Variants in RPA1 observed in about 807,000 individuals in gnomAD.
The protein encoded by RPA1 is replication protein A 70 kDa DNA-binding subunit.
Under a neutral mutation model 83.0 loss-of-function variants are expected in RPA1, and 49 were observed. The observed-to-expected ratio is 0.59, with a 90% CI of 0.47 to 0.75. RPA1 has a LOEUF of 0.75. Ranked by LOEUF, RPA1 falls within the 30% of genes least tolerant of loss-of-function variation. The pLI is 0.00. For synonymous variants in RPA1, 279 were observed against 281.8 expected (o/e 0.99, Z 0.10); for missense variants, 693 against 776.1 (o/e 0.89, Z 1.27).
At chr17:1,883,271 C>G (rs1597454626) in intron 12 of RPA1, among the ~76,000 whole-genome samples, 1 of 152,148 alleles carries the variant, frequency 6.6e-6, no homozygotes, top group East Asian at 1.9e-4. Flanking sequence ...ACAAGTGATT[C>G]TCCTGCCTCA....
At chr17:1,874,815 G>C (rs1913516106) in intron 6 of RPA1, among the ~76,000 whole-genome samples, 1 of 152,154 alleles carries the variant, frequency 6.6e-6, no homozygotes, top group African/African-American at 2.4e-5. Context: ...TGCCTAGAAG[G>C]GTGTGGCACA....
At chr17:1,878,622 C>T (rs537200472) in intron 8 of RPA1, among the ~76,000 whole-genome samples, 1 of 152,348 alleles carries the variant, frequency 6.6e-6, no homozygotes, top group African/African-American at 2.4e-5. Flanking sequence ...CGTGGCAGCA[C>T]CTTCCTCGTG....
At chr17:1,830,732 G>A (rs1317930047) in intron 1 of RPA1, 1 of 151,568 alleles carries the variant, frequency 6.6e-6, no homozygotes, top group Non-Finnish European at 1.5e-5. Context: ...GTTGAATCAA[G>A]GCTCCCTCTA....
rs566419427 is a variant in RPA1, at chr17:1,874,818, G to A, written c.455-843G>A. 2.0e-5 allele frequency among the ~76,000 whole-genome samples: 3 copies of A among 152,344 alleles called. No individual in the cohort carries two copies. In the South Asian group the frequency reaches 6.2e-4, roughly 32 times the overall value. On this transcript the variant is annotated intron_variant, in intron 6 of 16. Coordinates refer to ENST00000254719, the MANE Select transcript of RPA1 (RefSeq NM_002945.5). ...AATTACTACGAATGCCTAGAAGGGT[G>A]TGGCACATGCCGTGGAAACCCAGTA... is the stretch of plus-strand genomic sequence containing the variant.
At chr17:1,840,619 C>T (rs1057233625) in intron 1 of RPA1, among the ~76,000 whole-genome samples, 20 of 151,788 alleles carry the variant, frequency 1.3e-4, no homozygotes, top group Admixed American at 7.9e-4. Context: ...TCTGTTGCCC[C>T]GACTGGTCTC....
At chr17:1,890,025 T>C (rs1597460013) in intron 14 of RPA1, among the ~76,000 whole-genome samples, 1 of 151,034 alleles carries the variant, frequency 6.6e-6, no homozygotes, top group African/African-American at 2.4e-5. Context: ...AGAAAACAGT[T>C]TCACATTTTT....
chr17:1,853,359 G>T lies in RPA1; in HGVS notation c.361+170G>T, dbSNP rs1912571827. On this transcript the variant is annotated intron_variant, in intron 5 of 16. Transcript: ENST00000254719. ...GCTTTTTCAGTTCTAAAGAAATGAT[G>T]TATGAAGAAAGGGCACAATTAGAAA... 1.3e-5 allele frequency among the ~76,000 whole-genome samples: 2 copies of T among 152,184 alleles called. 1 individual carries two copies. Among genetic ancestry groups the T allele is most frequent in the South Asian group, 4.1e-4 (2 of 4,826 alleles).
At chr17:1,855,831 A>G (rs1255623209) in intron 5 of RPA1, among the ~76,000 whole-genome samples, 1 of 142,886 alleles carries the variant, frequency 7.0e-6, no homozygotes, top group Non-Finnish European at 1.6e-5. Context: ...TTTTTTTTTT[A>G]ATGGAAAAGT....
At chr17:1,869,736 A>G (rs1031286904) in intron 5 of RPA1, among the ~76,000 whole-genome samples, 5 of 152,144 alleles carry the variant, frequency 3.3e-5, no homozygotes, top group African/African-American at 9.7e-5. Flanking sequence ...TAATTTTTAG[A>G]AGGATTTTTA....
At chr17:1,872,824 G>A (rs916478903) in intron 6 of RPA1, among the ~76,000 whole-genome samples, 16 of 151,536 alleles carry the variant, frequency 1.1e-4, no homozygotes, top group African/African-American at 3.6e-4. Context: ...GGTACTATGG[G>A]CGCATGCCAC....
chr17:1,895,659 GTATTTATTTATTTATTTATT>G (rs1555596983), intron 16 of RPA1, among the ~76,000 whole-genome samples: 5 of 141,752 alleles, frequency 3.5e-5, no homozygotes, highest in Admixed American at 7.1e-5. Context: ...ATACCATATA[GTATTTATTTATTTATTTATT>G]TATTTATTTA....
At chr17:1,896,995 A>T (rs1914458735) in intron 16 of RPA1, 76 bp from the exon 17 acceptor site, 1 of 1,270,222 alleles carries the variant, frequency 7.9e-7, no homozygotes, top group African/African-American at 1.5e-5. Context: ...GCTCACTGAA[A>T]CCACTGAAGC....
chr17:1,853,124 T>G lies in RPA1; in HGVS notation c.296T>G (p.Leu99Ter). ...DGRRVVILME[L>*]EVLKSAEAVG... ...AGGAGAGTAGTTATCTTGATGGAATTAGAAGTTTTGAAGTCAGCTGAAGCA... is the reference window on the plus strand; with the variant it reads ...AGGAGAGTAGTTATCTTGATGGAATGAGAAGTTTTGAAGTCAGCTGAAGCA... The change falls in exon 5 of 17, where the codon TTA becomes TGA. Residue 99 changes from leucine (L) to a stop codon, truncating the protein, a stop_gained. Transcript: ENST00000254719. LOFTEE classifies it high-confidence loss of function. 1 of 1,614,104 alleles carries G rather than the reference T, an allele frequency of 6.2e-7. No individual in the cohort carries two copies. The highest frequency in any genetic ancestry group is 8.5e-7 in the Non-Finnish European group (1 of 1,179,998).
rs3744769 is a variant in RPA1 at position 1,897,555 on chromosome 17, C to G, written c.*380C>G. The G allele has an allele frequency of 0.21, 35,136 of 165,364 alleles. 3,890 individuals are homozygous for G. The highest frequency in any genetic ancestry group is 0.27 in the East Asian group (1,511 of 5,600). 10.2% of individuals were successfully genotyped at this position (165,364 alleles called of 1,614,324 possible). A position where few individuals can be genotyped will look rare whatever the true frequency, so the allele number is the denominator to read the frequency against. Reference sequence around the variant, plus strand: ...TTTGCTTCTCCAGTGGTGACCACCCCCCCCCATCCCCGCTCACAACTTGGG... The same window carrying G: ...TTTGCTTCTCCAGTGGTGACCACCCGCCCCCATCCCCGCTCACAACTTGGG... On this transcript the variant is annotated 3_prime_UTR_variant, in exon 17 of 17. Transcript: ENST00000254719.
At chr17:1,868,090 G>GA (rs879853659) in intron 5 of RPA1, among the ~76,000 whole-genome samples, 2 of 150,200 alleles carry the variant, frequency 1.3e-5, no homozygotes, top group Admixed American at 6.6e-5. Context: ...TCTCAAGGGG[G>GA]AAAAAAAAAG....
intron 4 of RPA1, among the ~76,000 whole-genome samples, chr17:1,846,619 C>T (rs976606166): frequency 5.9e-5 from 9 of 152,102 alleles, no homozygotes; most frequent in East Asian, 3.8e-4. Flanking sequence ...CGTGGCCGGC[C>T]GTCCATATTC....
intron 5 of RPA1, among the ~76,000 whole-genome samples, chr17:1,868,276 T>C (rs966015949): frequency 3.9e-5 from 6 of 152,198 alleles, no homozygotes; most frequent in African/African-American, 1.4e-4. Flanking sequence ...ATAGCTTTCT[T>C]ATAGTGACTT....
intron 12 of RPA1, 65 bp from the exon 13 acceptor site, chr17:1,883,747 G>A: frequency 6.2e-7 from 1 of 1,604,580 alleles, no homozygotes; most frequent in Non-Finnish European, 8.5e-7. Flanking sequence ...GCAGCAAGTT[G>A]CATGTGGAGA....
intron 16 of RPA1, among the ~76,000 whole-genome samples, chr17:1,895,421 G>T (rs961048505): frequency 9.3e-5 from 14 of 150,998 alleles, no homozygotes; most frequent in African/African-American, 3.4e-4. Flanking sequence ...AACGCATGCA[G>T]TAGAGTCATA....
Sources: gnomAD v4.1 joint callset for allele counts (sites outside exome capture counted in the v4.1 genomes callset) on GRCh38, gnomAD v4.1.1 for gene constraint, MANE v1.5 for transcripts, NCBI Gene and HGNC (gene_info 2026-07-23, HGNC 2026-07-21) for gene names.